The following MGAT3 variants were observed in gnomAD, a reference collection of about 807,000 sequenced individuals.
MGAT3 encodes the protein beta-1,4-mannosyl-glycoprotein 4-beta-N-acetylglucosaminyltransferase, also known as GlcNAc-T III.
Under a neutral mutation model 29.8 loss-of-function variants are expected in MGAT3, and 9 were observed. That is an observed-to-expected ratio of 0.30 (90% confidence interval 0.18 to 0.53). MGAT3 has a LOEUF of 0.53. Among genes scored for constraint, MGAT3 ranks in the 20% least tolerant of loss-of-function variants. MGAT3 has a pLI of 0.96. For missense variants in MGAT3, 557 were observed against 769.5 expected, an observed-to-expected ratio of 0.72 and a Z score of 3.27; for synonymous variants, 397 against 348.9, an observed-to-expected ratio of 1.14 and a Z score of -1.54.
At chr22:39,486,203 A>G in intron 1 of MGAT3, 1 of 420,972 alleles carries the variant, frequency 2.4e-6, no homozygotes. Flanking sequence ...TCTGGAGTGC[A>G]ATGGCGTGAT....
At chr22:39,470,452 G>A (rs936080015) in intron 1 of MGAT3, among the ~76,000 whole-genome samples, 3 of 152,232 alleles carry the variant, frequency 2.0e-5, no homozygotes, top group Admixed American at 6.5e-5. Context: ...CAGCAGAAAC[G>A]CAGGCATCAG....
chr22:39,487,293 A>G lies in MGAT3; in HGVS notation c.-1-54A>G. ...CAGAGGCCTCCTAGGTCCCCTTCCT[A>G]GGAAAGGAGCCTGGGCTGCCCTGAT... On this transcript the variant is annotated intron_variant, in intron 1 of 1. Transcript: ENST00000341184. The surrounding 1 kb of genome is among the most constrained non-coding windows in gnomAD (Gnocchi z 5.7). 6.5e-7 allele frequency: 1 copy of G among 1,546,808 alleles called. No individual in the cohort carries two copies. The highest frequency in any genetic ancestry group is 2.0e-5 in the Admixed American group (1 of 51,194).
chr22:39,459,152 C>T (rs2145706302), intron 1 of MGAT3, among the ~76,000 whole-genome samples: 1 of 151,912 alleles, frequency 6.6e-6, no homozygotes, highest in Admixed American at 6.6e-5. Context: ...TGGCTCACTG[C>T]AACCTCTACC....
chr22:39,487,819 C>T lies in MGAT3; in HGVS notation c.472C>T (p.Arg158Cys), dbSNP rs1382242798. 4 of 1,500,096 alleles carry T rather than the reference C, an allele frequency of 2.7e-6. No homozygotes were observed. The highest frequency in any genetic ancestry group is 3.5e-6 in the Non-Finnish European group (4 of 1,127,668). 92.9% of individuals were successfully genotyped at this position (1,500,096 alleles called of 1,614,324 possible). ...PPRYLLSARE[R>C]TGGRGARRKW... is the part of the protein sequence containing the mutation. ...CCGGTACCTCCTGAGCGCCCGGGAGCGCACGGGGGGCCGAGGCGCCCGGCG... is the reference window on the plus strand; with the variant it reads ...CCGGTACCTCCTGAGCGCCCGGGAGTGCACGGGGGGCCGAGGCGCCCGGCG... Residue 158 changes from arginine (R) to cysteine (C), a missense_variant, in exon 2 of 2, where the codon CGC (arginine) becomes TGC (cysteine). Arg to Cys is a radical substitution (Grantham distance 180). This residue lies in a region of MGAT3 where 212 missense variants were observed against 228.5 expected (regional missense o/e 0.93). Coordinates refer to ENST00000341184, the MANE Select transcript of MGAT3 (RefSeq NM_002409.5). This position sits in a 1 kb window ranked among gnomAD's most constrained non-coding sequence, Gnocchi z 5.7.
At chr22:39,470,177 A>C (rs976958273) in intron 1 of MGAT3, among the ~76,000 whole-genome samples, 1 of 152,114 alleles carries the variant, frequency 6.6e-6, no homozygotes, top group African/African-American at 2.4e-5. Flanking sequence ...AGACGTAAAC[A>C]ACAAAGTGGG....
chr22:39,471,288 A>AG (rs1466491527), intron 1 of MGAT3, among the ~76,000 whole-genome samples: 1 of 152,112 alleles, frequency 6.6e-6, no homozygotes, highest in Non-Finnish European at 1.5e-5. Context: ...TAGGGAGCTG[A>AG]AAGCCCGAAG....
intron 1 of MGAT3, among the ~76,000 whole-genome samples, chr22:39,481,422 G>T (rs1360867391): frequency 6.6e-6 from 1 of 152,236 alleles, no homozygotes; most frequent in Non-Finnish European, 1.5e-5. Context: ...GTTTACGCAG[G>T]CTCCCTACCC....
At chr22:39,484,442 G>A (rs778065802) in intron 1 of MGAT3, among the ~76,000 whole-genome samples, 22 of 151,988 alleles carry the variant, frequency 1.4e-4, no homozygotes, top group African/African-American at 5.1e-4. Context: ...GTGCGATCTC[G>A]GCTCACTGCA....
chr22:39,482,890 G>C (rs927185033), intron 1 of MGAT3, among the ~76,000 whole-genome samples: 15 of 152,172 alleles, frequency 9.9e-5, no homozygotes, highest in Non-Finnish European at 1.8e-4. Flanking sequence ...TGACTGAGAG[G>C]GGAGCTCCCA....
In MGAT3 at chr22:39,474,243, G is replaced by T. The variant is rs117288041; in HGVS notation, c.-1-13104G>T. On this transcript the variant is annotated intron_variant, in intron 1 of 1. Transcript: ENST00000341184. ...TAGGAGGTTGGCAGGATGGGCAGAT[G>T]CAGCTTTCCTGGGCAGCGAATCCGA... 2.6e-4 allele frequency among the ~76,000 whole-genome samples: 40 copies of T among 152,276 alleles called. No individual in the cohort carries two copies. In the East Asian group the frequency reaches 6.8e-3, roughly 26 times the overall value.
intron 1 of MGAT3, among the ~76,000 whole-genome samples, chr22:39,472,337 C>T (rs540954762): frequency 6.6e-6 from 1 of 152,266 alleles, no homozygotes; most frequent in African/African-American, 2.4e-5. Context: ...GTCAGAGACT[C>T]GGGGTCCCGC....
chr22:39,467,959 G>T (rs1928704380), intron 1 of MGAT3, among the ~76,000 whole-genome samples: 1 of 151,998 alleles, frequency 6.6e-6, no homozygotes, highest in African/African-American at 2.4e-5. Flanking sequence ...TCACCTTGAT[G>T]AGCAGCAGTG....
chr22:39,486,296 C>T (rs1929270436), intron 1 of MGAT3: 1 of 324,674 alleles, frequency 3.1e-6, no homozygotes. Context: ...AGGCATGCGC[C>T]ACTACACTCA....
At chr22:39,465,625 T>G (rs2040741845) in intron 1 of MGAT3, among the ~76,000 whole-genome samples, 1 of 152,106 alleles carries the variant, frequency 6.6e-6, no homozygotes, top group South Asian at 2.1e-4. Context: ...AGGTTTATTT[T>G]GGCACCGTGG....
Position 39,457,474 on chromosome 22 carries a change from A to C in MGAT3, c.-85A>C, listed in dbSNP as rs1326101924. The stretch of plus-strand genomic sequence containing the variant: ...GGGGCGAGAGGCTGCGGCGGACGCC[A>C]GCATCTCCCCGCCGGGGACCCCGGG... On this transcript the variant is annotated 5_prime_UTR_variant, in exon 1 of 2. Transcript: ENST00000341184. The surrounding 1 kb of genome is among the most constrained non-coding windows in gnomAD (Gnocchi z 6.8). 6.8e-6 allele frequency: 1 copy of C among 147,618 alleles called. No homozygotes were observed. Among genetic ancestry groups the C allele is most frequent in the Admixed American group, 6.7e-5 (1 of 14,826 alleles). The allele number at this position is 147,618 out of a possible 1,614,324, so 9.1% of individuals were successfully genotyped here.
chr22:39,463,824 A>T (rs1031962287), intron 1 of MGAT3, among the ~76,000 whole-genome samples: 2 of 151,776 alleles, frequency 1.3e-5, no homozygotes, highest in Non-Finnish European at 2.9e-5. Flanking sequence ...GTTGAGGGGG[A>T]AGATCACTTG....
chr22:39,459,674 G>T (rs1416602840), intron 1 of MGAT3, among the ~76,000 whole-genome samples: 1 of 152,162 alleles, frequency 6.6e-6, no homozygotes, highest in Non-Finnish European at 1.5e-5. Flanking sequence ...TGCTATGTTG[G>T]CCAGGCTGGT....
rs1340341470 is a variant in MGAT3 at position 39,488,114 on chromosome 22, T to A, written c.767T>A (p.Met256Lys). 1 of 1,612,858 alleles carries A rather than the reference T, an allele frequency of 6.2e-7. No individual in the cohort carries two copies. The highest frequency in any genetic ancestry group is 1.7e-5 in the Admixed American group (1 of 60,022). The change falls in exon 2 of 2, where the codon ATG (methionine) becomes AAG (lysine). Residue 256 changes from methionine (M) to lysine (K), a missense_variant. Coordinates refer to ENST00000341184, the MANE Select transcript of MGAT3 (RefSeq NM_002409.5). Reference protein sequence around the residue: ...GEPRPLKFREMLTNGTFEYIR... With the variant: ...GEPRPLKFREKLTNGTFEYIR... ...CCGCGGCCGCTCAAGTTCCGGGAGA[T>A]GCTGACCAATGGCACCTTCGAGTAC...
chr22:39,459,611 G>A (rs1928442404), intron 1 of MGAT3, among the ~76,000 whole-genome samples: 1 of 152,106 alleles, frequency 6.6e-6, no homozygotes, highest in Non-Finnish European at 1.5e-5. Flanking sequence ...CTACAGGCGT[G>A]AGCCAACACA....
Sources: gnomAD v4.1 joint callset for allele counts (sites outside exome capture counted in the v4.1 genomes callset) on GRCh38, gnomAD v4.1.1 for gene constraint, gnomAD v4.1.1 regional missense constraint, Gnocchi (gnomAD v3.1) non-coding constraint, MANE v1.5 for transcripts, NCBI Gene and HGNC (gene_info 2026-07-23, HGNC 2026-07-21) for gene names.